The following ABCC5 variants were observed in gnomAD, a reference collection of about 807,000 sequenced individuals.
ABCC5 encodes ATP-binding cassette sub-family C member 5.
Under a neutral mutation model 160.9 loss-of-function variants are expected in ABCC5, and 61 were observed. That is an observed-to-expected ratio of 0.38 (90% confidence interval 0.31 to 0.47). The LOEUF (loss-of-function observed/expected upper bound fraction) is 0.47. Ranked by LOEUF, ABCC5 falls within the 20% of genes least tolerant of loss-of-function variation. The pLI is 0.99. For synonymous variants in ABCC5, 666 were observed against 700.6 expected (o/e 0.95, Z 0.78); for missense variants, 1,308 against 1,813.3 (o/e 0.72, Z 5.06).
At chr3:183,985,197 G>A (rs574734109) in intron 5 of ABCC5, 1 of 1,076,280 alleles carries the variant, frequency 9.3e-7, no homozygotes, top group East Asian at 2.4e-5. Context: ...TTTTTAAAAA[G>A]TTACAAATGT....
chr3:184,014,480 T>C (rs1158678208), intron 1 of ABCC5, 33 bp from the exon 2 acceptor site: 1 of 1,455,664 alleles, frequency 6.9e-7, no homozygotes. Context: ...AAATAGATTA[T>C]TTCCTAAACA....
intron 2 of ABCC5, among the ~76,000 whole-genome samples, chr3:183,995,565 G>A (rs1463782858): frequency 6.6e-6 from 1 of 152,162 alleles, no homozygotes; most frequent in African/African-American, 2.4e-5. Context: ...AGTGAGGTGT[G>A]CTGCACTTAT....
At chr3:183,969,169 T>A (rs975943693) in intron 11 of ABCC5, among the ~76,000 whole-genome samples, 1 of 152,186 alleles carries the variant, frequency 6.6e-6, no homozygotes, top group African/African-American at 2.4e-5. Context: ...CCTCCCCTTC[T>A]CTTCCCTAAA....
rs777902191 is a variant in ABCC5, at chr3:183,951,458, G to C, written c.2927C>G (p.Ser976Cys). 6.2e-7 allele frequency: 1 copy of C among 1,614,172 alleles called. No individual in the cohort carries two copies. The change falls in exon 20 of 30, where the codon TCC becomes TGC. Residue 976 changes from serine to cysteine, a missense_variant. This residue lies in a region of ABCC5 where 1,142 missense variants were observed against 1,527.1 expected (regional missense o/e 0.75). Coordinates refer to ENST00000334444, the MANE Select transcript of ABCC5 (RefSeq NM_005688.4). The surrounding 1 kb of genome is among the most constrained non-coding windows in gnomAD (Gnocchi z 4.7). The part of the protein sequence containing the change: ...TPTGRILNRF[S>C]KDMDEVDVRL... ...AGAAATACCTTCATCCATGTCTTTG[G>C]AAAACCTGTTGAGAATCCTCCCTGT... is the stretch of plus-strand genomic sequence containing the variant.
chr3:183,935,515 T>C (rs1713619379), intron 26 of ABCC5, among the ~76,000 whole-genome samples: 1 of 150,370 alleles, frequency 6.7e-6, no homozygotes, highest in Non-Finnish European at 1.5e-5. Flanking sequence ...AATTCTAATT[T>C]TCTTTTGAGA....
intron 12 of ABCC5, 135 bp downstream of exon 12, chr3:183,967,560 A>G (rs1406027012): frequency 5.2e-6 from 4 of 769,064 alleles, no homozygotes; most frequent in African/African-American, 3.4e-5. Context: ...ACTGCGGGGG[A>G]TTGGGGGCAT....
rs141990832 is a variant in ABCC5, at chr3:183,979,964, C to T, written c.1148-1313G>A. ...GATCTCAGCTCACTGCAACCTCTGC[C>T]TCCTGGGTTCAAGTGATCCTCCTGC... On this transcript the variant is annotated intron_variant, in intron 8 of 29. Coordinates refer to ENST00000334444, the MANE Select transcript of ABCC5 (RefSeq NM_005688.4). Among the ~76,000 whole-genome samples, 621 of 152,174 alleles carry T rather than the reference C, an allele frequency of 4.1e-3. 17 individuals carry two copies. The East Asian group carries it at 0.057, about 14-fold the overall frequency.
rs763115886 is a variant in ABCC5 at position 183,963,569 on chromosome 3, T to A, written c.2051A>T (p.Asn684Ile). 1.9e-6 allele frequency: 3 copies of A among 1,613,956 alleles called. No homozygotes were observed. The Admixed American group carries it at 5.0e-5, about 27-fold the overall frequency. Residue 684 changes from asparagine (N) to isoleucine (I), a missense_variant, in exon 15 of 30, where the codon AAC becomes ATC. Physicochemically the swap from Asn to Ile is moderately radical, Grantham distance 149. Transcript: ENST00000334444. The surrounding 1 kb of genome is among the most constrained non-coding windows in gnomAD (Gnocchi z 4.6). ...DLTEIGERGA[N>I]LSGGQRQRIS... Reference sequence around the variant, plus strand: ...CCTCTGGCGCTGCCCACCGCTCAGGTTGGCTCCTCGCTCTCCAATCTACAA... The same window carrying A: ...CCTCTGGCGCTGCCCACCGCTCAGGATGGCTCCTCGCTCTCCAATCTACAA...
intron 25 of ABCC5, among the ~76,000 whole-genome samples, chr3:183,941,032 G>A (rs1015457664): frequency 2.6e-5 from 4 of 152,068 alleles, no homozygotes; most frequent in African/African-American, 9.7e-5. Flanking sequence ...CTAACTTTCT[G>A]TATTTTTAGT....
chr3:183,936,308 G>C (rs1713714380), intron 26 of ABCC5, among the ~76,000 whole-genome samples: 1 of 152,102 alleles, frequency 6.6e-6, no homozygotes, highest in African/African-American at 2.4e-5. Context: ...AATTTCTGTT[G>C]TTTAAGCCAC....
At position 183,963,733 on chromosome 3, in the gene ABCC5, C is replaced by T; in HGVS notation, c.2032-145G>A. 1.3e-6 allele frequency: 1 copy of T among 744,062 alleles called. No individual in the cohort carries two copies. Among genetic ancestry groups the T allele is most frequent in the Non-Finnish European group, 2.1e-6 (1 of 481,808 alleles). The allele number at this position is 744,062 out of a possible 1,614,324, so 46.1% of individuals were successfully genotyped here. On this transcript the variant is annotated intron_variant, in intron 14 of 29. Coordinates refer to ENST00000334444, the MANE Select transcript of ABCC5 (RefSeq NM_005688.4). This position sits in a 1 kb window ranked among gnomAD's most constrained non-coding sequence, Gnocchi z 4.6. ...GATGAACTGCCATGCTGATTCCCCG[C>T]AGATGAACTGCCATGCTGATCCTTC... is the stretch of plus-strand genomic sequence containing the variant.
At chr3:183,950,676 C>T (rs1473238511) in intron 20 of ABCC5, among the ~76,000 whole-genome samples, 2 of 152,060 alleles carry the variant, frequency 1.3e-5, no homozygotes, top group East Asian at 1.9e-4. Context: ...TTTTTCCATT[C>T]ATGTGTGAGC....
intron 5 of ABCC5, chr3:183,983,759 G>A: frequency 2.0e-6 from 2 of 985,520 alleles, no homozygotes; most frequent in Non-Finnish European, 2.4e-6. Flanking sequence ...GAAGTGGGAA[G>A]GAATGTACTT....
At chr3:184,016,599 A>G (rs888872884) in intron 1 of ABCC5, among the ~76,000 whole-genome samples, 1 of 152,200 alleles carries the variant, frequency 6.6e-6, no homozygotes, top group African/African-American at 2.4e-5. Flanking sequence ...GTCCTCCTTT[A>G]AAGTTGTTGG....
At chr3:184,007,381 A>T (rs1247593930) in intron 2 of ABCC5, among the ~76,000 whole-genome samples, 1 of 152,124 alleles carries the variant, frequency 6.6e-6, no homozygotes, top group African/African-American at 2.4e-5. Context: ...ATGAAAAACA[A>T]GGCACCCTTA....
intron 10 of ABCC5, chr3:183,972,153 T>C (rs775625436): frequency 2.4e-5 from 18 of 746,082 alleles, no homozygotes; most frequent in Non-Finnish European, 3.4e-5. Flanking sequence ...ATATTCCACA[T>C]GACAAATTAC....
intron 29 of ABCC5, among the ~76,000 whole-genome samples, chr3:183,922,958 T>C (rs139245545): frequency 6.6e-6 from 1 of 152,096 alleles, no homozygotes; most frequent in Non-Finnish European, 1.5e-5. Context: ...AACCAACCCA[T>C]GTGGGATAAC....
chr3:183,969,074 C>T (rs901643737), intron 11 of ABCC5, among the ~76,000 whole-genome samples: 2 of 152,136 alleles, frequency 1.3e-5, no homozygotes, highest in Non-Finnish European at 2.9e-5. Flanking sequence ...GAGAAAAATG[C>T]TATTCTTATG....
At position 183,963,708 on chromosome 3, in the gene ABCC5, G is replaced by T; in HGVS notation, c.2032-120C>A. On this transcript the variant is annotated intron_variant, in intron 14 of 29. Transcript: ENST00000334444. This position sits in a 1 kb window ranked among gnomAD's most constrained non-coding sequence, Gnocchi z 4.6. ...CAGCTCCTTCTGTCAATTCCCCGCAGATGAACTGCCATGCTGATTCCCCGC... is the reference window on the plus strand; with the variant it reads ...CAGCTCCTTCTGTCAATTCCCCGCATATGAACTGCCATGCTGATTCCCCGC... 1.2e-6 allele frequency: 1 copy of T among 853,562 alleles called. No homozygotes were observed. Among genetic ancestry groups the T allele is most frequent in the East Asian group, 2.6e-5 (1 of 38,156 alleles). 52.9% of individuals were successfully genotyped at this position (853,562 alleles called of 1,614,324 possible).
Sources: gnomAD v4.1 joint callset for allele counts (sites outside exome capture counted in the v4.1 genomes callset) on GRCh38, gnomAD v4.1.1 for gene constraint, gnomAD v4.1.1 regional missense constraint, Gnocchi (gnomAD v3.1) non-coding constraint, MANE v1.5 for transcripts, NCBI Gene and HGNC (gene_info 2026-07-23, HGNC 2026-07-21) for gene names.